The following CDH13 variants were observed in gnomAD, a reference collection of about 807,000 sequenced individuals.
CDH13 encodes the protein cadherin-13.
A neutral mutation model predicts 63.8 loss-of-function variants in CDH13; 24 were observed. The observed-to-expected ratio is 0.38, with a 90% CI of 0.27 to 0.53. CDH13 has a LOEUF of 0.53. Ranked by LOEUF, CDH13 falls within the 20% of genes least tolerant of loss-of-function variation. The probability of loss-of-function intolerance (pLI) is 0.85; values close to 1 mark genes in which losing one functional copy is unlikely to be tolerated. For synonymous variants in CDH13, 503 were observed against 355.3 expected, an observed-to-expected ratio of 1.42 and a Z score of -4.67; for missense variants, 1,049 against 903.1, an observed-to-expected ratio of 1.16 and a Z score of -2.07.
chr16:83,171,638 T>G, intron 4 of CDH13: 1 of 1,288,836 alleles, frequency 7.8e-7, no homozygotes, highest in Non-Finnish European at 1.1e-6. Context: ...TCCAATTTCC[T>G]ATATGCCATC....
chr16:83,776,042 C>G (rs1915088497), intron 11 of CDH13, among the ~76,000 whole-genome samples: 1 of 152,176 alleles, frequency 6.6e-6, no homozygotes, highest in Admixed American at 6.5e-5. Context: ...GAGAGAGGCT[C>G]TTTCCCTCAG....
intron 2 of CDH13, among the ~76,000 whole-genome samples, chr16:82,878,170 C>A (rs760359443): frequency 3.3e-5 from 5 of 152,020 alleles, no homozygotes; most frequent in African/African-American, 1.2e-4. Flanking sequence ...GTAGCATTCC[C>A]CAGTCTGTGT....
chr16:82,708,968 G>C (rs1046859905), intron 1 of CDH13, among the ~76,000 whole-genome samples: 4 of 152,180 alleles, frequency 2.6e-5, no homozygotes, highest in Admixed American at 1.3e-4. Flanking sequence ...AACCAGAAGA[G>C]TCCTGAGTGA....
At chr16:82,676,258 G>A (rs981882108) in intron 1 of CDH13, among the ~76,000 whole-genome samples, 3 of 151,998 alleles carry the variant, frequency 2.0e-5, no homozygotes, top group Non-Finnish European at 2.9e-5. Flanking sequence ...TGTCTCAAAG[G>A]CACCTTGGAT....
chr16:83,586,806 C>T (rs969002292), intron 7 of CDH13, among the ~76,000 whole-genome samples: 2 of 152,196 alleles, frequency 1.3e-5, no homozygotes, highest in African/African-American at 4.8e-5. Flanking sequence ...CCGGGTTATG[C>T]TCACTGCTTT....
intron 4 of CDH13, among the ~76,000 whole-genome samples, chr16:83,199,169 T>C (rs1005686454): frequency 1.3e-5 from 2 of 152,222 alleles, no homozygotes; most frequent in African/African-American, 2.4e-5. Flanking sequence ...ACATATCTCA[T>C]GCATGGGCCA....
Position 83,451,708 on chromosome 16 carries a change from A to C in CDH13, c.782-34769A>C, listed in dbSNP as rs377261590. 3.2e-4 allele frequency among the ~76,000 whole-genome samples: 48 copies of C among 152,230 alleles called. No homozygotes were observed. The South Asian group carries it at 9.5e-3, about 30-fold the overall frequency. On this transcript the variant is annotated intron_variant, in intron 6 of 13. Coordinates refer to ENST00000567109, the MANE Select transcript of CDH13 (RefSeq NM_001257.5). ...AATTTTTTACTTTTTTGTAGAGACG[A>C]GGTCCCACTATATTACCCAGGCTGG...
At chr16:83,440,888 A>G (rs996737429) in intron 6 of CDH13, among the ~76,000 whole-genome samples, 16 of 151,968 alleles carry the variant, frequency 1.1e-4, no homozygotes, top group African/African-American at 3.6e-4. Flanking sequence ...TTGCCAAGCG[A>G]AGAAAAGATG....
intron 7 of CDH13, among the ~76,000 whole-genome samples, chr16:83,532,028 G>A (rs1391619089): frequency 1.3e-5 from 2 of 152,138 alleles, no homozygotes; most frequent in African/African-American, 4.8e-5. Flanking sequence ...TCTTTCCTGT[G>A]CTATGCTTGT....
Position 82,672,999 on chromosome 16 carries a change from CTTTTTTTTT to C in CDH13, c.45+45874_45+45882del, listed in dbSNP as rs562942948. ...GTATGGCTAATTTTTATAAAGTTTT[CTTTTTTTTT>C]TTTTTTTTTTTGTAGAGATGATGGG... On this transcript the variant is annotated intron_variant, in intron 1 of 13. Coordinates refer to ENST00000567109, the MANE Select transcript of CDH13 (RefSeq NM_001257.5). 7.6e-3 allele frequency among the ~76,000 whole-genome samples: 614 copies of C among 81,290 alleles called. 17 individuals are homozygous for C. The highest frequency in any genetic ancestry group is 0.031 in the African/African-American group (574 of 18,648). The allele number at this position is 81,290 out of a possible 152,430, so 53.3% of individuals were successfully genotyped here. A position where few individuals can be genotyped will look rare whatever the true frequency, so the allele number is the denominator to read the frequency against.
At chr16:83,353,512 G>A (rs962496311) in intron 6 of CDH13, among the ~76,000 whole-genome samples, 1 of 152,204 alleles carries the variant, frequency 6.6e-6, no homozygotes, top group Non-Finnish European at 1.5e-5. Flanking sequence ...CCTTTATTCT[G>A]GTAGAAGAGT....
At chr16:82,729,649 A>G (rs1279897661) in intron 1 of CDH13, among the ~76,000 whole-genome samples, 1 of 152,206 alleles carries the variant, frequency 6.6e-6, no homozygotes, top group African/African-American at 2.4e-5. Context: ...AGAATGGTCA[A>G]TGAGCATTGG....
intron 10 of CDH13, among the ~76,000 whole-genome samples, chr16:83,745,712 C>G (rs1333679289): frequency 6.6e-6 from 1 of 152,172 alleles, no homozygotes; most frequent in Non-Finnish European, 1.5e-5. Flanking sequence ...CATTGCAGCC[C>G]CCAAGATGAC....
At chr16:83,485,958 A>G (rs2073877041) in intron 6 of CDH13, among the ~76,000 whole-genome samples, 1 of 152,130 alleles carries the variant, frequency 6.6e-6, no homozygotes, top group Admixed American at 6.6e-5. Flanking sequence ...GCCTGGCTAA[A>G]ATGGTTAAAC....
chr16:83,294,005 A>T (rs17196406), intron 5 of CDH13, among the ~76,000 whole-genome samples: 3 of 152,190 alleles, frequency 2.0e-5, no homozygotes, highest in African/African-American at 7.2e-5. Flanking sequence ...ATCAATAACT[A>T]CCCCAAGTTG....
At chr16:82,908,366 G>A (rs768627220) in intron 2 of CDH13, among the ~76,000 whole-genome samples, 2 of 152,128 alleles carry the variant, frequency 1.3e-5, no homozygotes, top group Non-Finnish European at 2.9e-5. Flanking sequence ...TATTGACAAG[G>A]TTGATGAACA....
At chr16:83,612,010 C>G (rs1166473301) in intron 8 of CDH13, among the ~76,000 whole-genome samples, 2 of 151,972 alleles carry the variant, frequency 1.3e-5, no homozygotes, top group African/African-American at 4.8e-5. Context: ...GTATCGTGAT[C>G]TATATACATC....
At chr16:82,680,269 C>A (rs4081995) in intron 1 of CDH13, among the ~76,000 whole-genome samples, 1 of 152,168 alleles carries the variant, frequency 6.6e-6, no homozygotes, top group Non-Finnish European at 1.5e-5. Flanking sequence ...GCACATCCTA[C>A]ATGTGACTCT....
intron 3 of CDH13, among the ~76,000 whole-genome samples, chr16:83,095,337 G>A (rs1304812714): frequency 6.6e-6 from 1 of 152,030 alleles, no homozygotes; most frequent in Non-Finnish European, 1.5e-5. Flanking sequence ...TCCAGGTACG[G>A]ACAAAAAAAG....
Sources: allele counts gnomAD v4.1 joint callset (sites outside exome capture counted in the v4.1 genomes callset), GRCh38; gene constraint gnomAD v4.1.1; transcripts MANE v1.5; gene names NCBI Gene and HGNC (gene_info 2026-07-23, HGNC 2026-07-21).